The following BAZ2B variants were observed in gnomAD, a reference collection of about 807,000 sequenced individuals.
BAZ2B encodes bromodomain adjacent to zinc finger domain 2B, also known as bromodomain adjacent to zinc finger domain protein 2B.
In BAZ2B, 91 loss-of-function variants were observed where a neutral mutation model predicts 246.0. The ratio of observed to expected loss-of-function variants is 0.37; its 90% CI spans 0.31 to 0.44. The LOEUF (loss-of-function observed/expected upper bound fraction) is 0.44, where lower values mean the gene tolerates loss of function less well. BAZ2B is among the 20% of genes least tolerant of loss of function. The pLI is 1.00. For missense variants in BAZ2B, 2,332 were observed against 2,533.7 expected (o/e 0.92, Z 1.71); for synonymous variants, 855 against 860.0 (o/e 0.99, Z 0.10).
At chr2:159,367,149 T>C (rs1035065656) in intron 27 of BAZ2B, among the ~76,000 whole-genome samples, 4 of 152,290 alleles carry the variant, frequency 2.6e-5, no homozygotes, top group South Asian at 2.1e-4. Context: ...CTTTGAGATA[T>C]ATGTTGTTTC....
chr2:159,646,334 C>T, the BAZ2B span, among the ~76,000 whole-genome samples: 1 of 152,312 alleles, frequency 6.6e-6, no homozygotes, highest in East Asian at 1.9e-4. Flanking sequence ...GTTCCCTGAA[C>T]ATTGCTGTTA....
At chr2:159,468,909 G>C (rs763881992) in intron 3 of BAZ2B, among the ~76,000 whole-genome samples, 4 of 151,970 alleles carry the variant, frequency 2.6e-5, no homozygotes, top group Admixed American at 1.3e-4. Context: ...AAATTAGCTA[G>C]GTGTGGTGGT....
At chr2:159,649,388 GT>G in the BAZ2B span, among the ~76,000 whole-genome samples, 2 of 152,070 alleles carry the variant, frequency 1.3e-5, no homozygotes, top group Non-Finnish European at 2.9e-5. Context: ...TCACAATAGG[GT>G]TTGTGTTCCT....
chr2:159,373,009 T>C, intron 27 of BAZ2B, 36 bp downstream of exon 27: 1 of 1,570,110 alleles, frequency 6.4e-7, no homozygotes, highest in Non-Finnish European at 8.6e-7. Context: ...ATATAGTTTC[T>C]TATTTAACAA....
At chr2:159,516,700 G>A (rs1438261143) in intron 2 of BAZ2B, 2 of 152,486 alleles carry the variant, frequency 1.3e-5, no homozygotes, top group Non-Finnish European at 1.5e-5. Flanking sequence ...ACCAGCAAAC[G>A]TGAATGCTCA....
At chr2:159,578,395 G>C (rs1423329763) in intron 1 of BAZ2B, among the ~76,000 whole-genome samples, 1 of 152,066 alleles carries the variant, frequency 6.6e-6, no homozygotes, top group Non-Finnish European at 1.5e-5. Flanking sequence ...GCCCTTTTTG[G>C]AGATCCATAA....
chr2:159,599,447 C>T (rs1445237344), intron 1 of BAZ2B, among the ~76,000 whole-genome samples: 3 of 151,314 alleles, frequency 2.0e-5, no homozygotes, highest in Admixed American at 6.6e-5. Context: ...GGAGAAACCC[C>T]GTCTCTACTA....
At chr2:159,705,103 C>A in the BAZ2B span, among the ~76,000 whole-genome samples, 1 of 151,920 alleles carries the variant, frequency 6.6e-6, no homozygotes, top group Non-Finnish European at 1.5e-5. Flanking sequence ...TCACAGAAAC[C>A]TCTGCCTCCT....
intron 1 of BAZ2B, among the ~76,000 whole-genome samples, chr2:159,604,975 G>A (rs1045754271): frequency 1.3e-5 from 2 of 151,272 alleles, no homozygotes; most frequent in Non-Finnish European, 2.9e-5. Flanking sequence ...CGCGCTAGGA[G>A]AGAGAGAGAG....
intron 4 of BAZ2B, among the ~76,000 whole-genome samples, chr2:159,451,773 T>C (rs2150440066): frequency 6.6e-6 from 1 of 152,310 alleles, no homozygotes; most frequent in South Asian, 2.1e-4. Flanking sequence ...TTCTATATAG[T>C]AGAAGTATCA....
intron 34 of BAZ2B, among the ~76,000 whole-genome samples, chr2:159,326,503 A>G (rs954755430): frequency 6.6e-6 from 1 of 152,328 alleles, no homozygotes; most frequent in Middle Eastern, 3.4e-3. Context: ...GTGTGAACAA[A>G]GCAGTGGTGA....
chr2:159,669,689 G>T, the BAZ2B span, among the ~76,000 whole-genome samples: 1 of 152,066 alleles, frequency 6.6e-6, no homozygotes, highest in African/African-American at 2.4e-5. Context: ...TTCATCTGAT[G>T]TTAATATAGC....
At chr2:159,342,523 T>G (rs1201760841) in intron 31 of BAZ2B, among the ~76,000 whole-genome samples, 1 of 152,198 alleles carries the variant, frequency 6.6e-6, no homozygotes, top group Admixed American at 6.5e-5. Flanking sequence ...TGAGCTCAAG[T>G]GATCCTCTCA....
At chr2:159,545,625 T>C (rs1369549951) in intron 2 of BAZ2B, among the ~76,000 whole-genome samples, 1 of 152,176 alleles carries the variant, frequency 6.6e-6, no homozygotes, top group African/African-American at 2.4e-5. Context: ...GTTTGTTGCA[T>C]AGATATTTAC....
chr2:159,550,674 T>C (rs1031222773), intron 2 of BAZ2B, among the ~76,000 whole-genome samples: 2 of 152,188 alleles, frequency 1.3e-5, no homozygotes, highest in Non-Finnish European at 2.9e-5. Flanking sequence ...GTACCTGACA[T>C]TTTAAATTTA....
the BAZ2B span, among the ~76,000 whole-genome samples, chr2:159,679,627 A>G: frequency 1.3e-5 from 2 of 152,264 alleles, no homozygotes; most frequent in Admixed American, 6.5e-5. Flanking sequence ...CTTCCAAAAA[A>G]GTAATAATTT....
intron 2 of BAZ2B, among the ~76,000 whole-genome samples, chr2:159,537,808 A>AT (rs912459130): frequency 1.3e-5 from 2 of 151,272 alleles, no homozygotes; most frequent in Non-Finnish European, 2.9e-5. Context: ...CTTTTTGAAA[A>AT]TTTTTTTTTC....
chr2:159,377,153 T>C (rs1289864452), intron 25 of BAZ2B, among the ~76,000 whole-genome samples: 1 of 152,142 alleles, frequency 6.6e-6, no homozygotes, highest in Non-Finnish European at 1.5e-5. Flanking sequence ...AGGGATCCTA[T>C]GGGTCTCAAT....
intron 1 of BAZ2B, among the ~76,000 whole-genome samples, chr2:159,601,699 C>T (rs915371499): frequency 7.2e-5 from 11 of 151,766 alleles, no homozygotes; most frequent in Non-Finnish European, 1.3e-4. Context: ...CCAGCCTGGG[C>T]GACAGGAGCG....
Sources: allele counts gnomAD v4.1 joint callset (sites outside exome capture counted in the v4.1 genomes callset), GRCh38; gene constraint gnomAD v4.1.1; transcripts MANE v1.5; gene names NCBI Gene and HGNC (gene_info 2026-07-23, HGNC 2026-07-21).